ENTREP2: variants seen among roughly 807,000 people sequenced by gnomAD.
ENTREP2 encodes protein ENTREP2.
At chr15:29,409,592 T>A in the ENTREP2 span, among the ~76,000 whole-genome samples, 1 of 151,894 alleles carries the variant, frequency 6.6e-6, no homozygotes, top group African/African-American at 2.4e-5. Flanking sequence ...CACAAAGTGC[T>A]GGGATTACAG....
the ENTREP2 span, among the ~76,000 whole-genome samples, chr15:29,341,851 A>G: frequency 3.3e-5 from 5 of 152,310 alleles, no homozygotes; most frequent in South Asian, 8.3e-4. Flanking sequence ...GGACTACAGG[A>G]TATTGTCAGA....
the ENTREP2 span, among the ~76,000 whole-genome samples, chr15:29,565,835 C>T: frequency 2.0e-5 from 3 of 151,986 alleles, no homozygotes; most frequent in South Asian, 6.2e-4. Context: ...GTGGCGGGCG[C>T]CTGTAGTCCC....
At chr15:29,667,561 T>G in the ENTREP2 span, among the ~76,000 whole-genome samples, 76 of 146,038 alleles carry the variant, frequency 5.2e-4, no homozygotes, top group Middle Eastern at 0.015. Context: ...GCGTGTGGTC[T>G]CAGCTCACTG....
the ENTREP2 span, among the ~76,000 whole-genome samples, chr15:29,513,835 C>T: frequency 6.6e-6 from 1 of 152,232 alleles, no homozygotes; most frequent in Non-Finnish European, 1.5e-5. Flanking sequence ...AGATCTGGAG[C>T]ACATTCTTGT....
the ENTREP2 span, among the ~76,000 whole-genome samples, chr15:29,172,254 G>A: frequency 6.6e-6 from 1 of 152,196 alleles, no homozygotes; most frequent in Non-Finnish European, 1.5e-5. Flanking sequence ...CAGTTCCATC[G>A]TGATGTACTG....
At chr15:29,304,905 G>C in the ENTREP2 span, among the ~76,000 whole-genome samples, 1 of 152,096 alleles carries the variant, frequency 6.6e-6, no homozygotes, top group African/African-American at 2.4e-5. Context: ...CCCTCACTTG[G>C]CTCAAGAGTC....
chr15:29,402,292 T>TTATGTGTG, the ENTREP2 span, among the ~76,000 whole-genome samples: 1 of 131,700 alleles, frequency 7.6e-6, no homozygotes, highest in African/African-American at 2.7e-5. Context: ...GTATATTGTA[T>TTATGTGTG]TGTGTGTGTG....
chr15:29,189,823 C>A, the ENTREP2 span, among the ~76,000 whole-genome samples: 1 of 152,144 alleles, frequency 6.6e-6, no homozygotes, highest in Non-Finnish European at 1.5e-5. Context: ...CATCAATCTA[C>A]CTAAACATCT....
At chr15:29,546,726 A>T in the ENTREP2 span, among the ~76,000 whole-genome samples, 9 of 152,002 alleles carry the variant, frequency 5.9e-5, no homozygotes, top group South Asian at 1.9e-3. Context: ...CTCTACTAAA[A>T]ATACAAACAA....
At chr15:29,345,741 G>C in the ENTREP2 span, among the ~76,000 whole-genome samples, 10 of 151,692 alleles carry the variant, frequency 6.6e-5, no homozygotes, top group Admixed American at 2.0e-4. Flanking sequence ...TCTGCTTCTG[G>C]GCTAAAAACA....
At chr15:29,661,341 C>T in the ENTREP2 span, among the ~76,000 whole-genome samples, 1 of 152,130 alleles carries the variant, frequency 6.6e-6, no homozygotes, top group South Asian at 2.1e-4. Flanking sequence ...GCTGGGATTA[C>T]AGGTGCACAC....
the ENTREP2 span, among the ~76,000 whole-genome samples, chr15:29,142,154 C>T: frequency 1.5e-4 from 23 of 152,280 alleles, no homozygotes; most frequent in South Asian, 4.8e-3. Flanking sequence ...TGGCTGGCTT[C>T]CCCTGGCTGG....
At chr15:29,662,682 C>T in the ENTREP2 span, among the ~76,000 whole-genome samples, 10 of 152,108 alleles carry the variant, frequency 6.6e-5, no homozygotes, top group African/African-American at 1.9e-4. Flanking sequence ...ATCCATGCCA[C>T]GCACACGAGC....
chr15:29,558,086 T>C, the ENTREP2 span, among the ~76,000 whole-genome samples: 2 of 152,184 alleles, frequency 1.3e-5, no homozygotes, highest in East Asian at 1.9e-4. Flanking sequence ...TACAAACTTT[T>C]CTTCAACACC....
At chr15:29,175,725 C>T in the ENTREP2 span, among the ~76,000 whole-genome samples, 2 of 152,258 alleles carry the variant, frequency 1.3e-5, no homozygotes, top group African/African-American at 4.8e-5. Flanking sequence ...CTGCCTCAGC[C>T]TGCTGAGTAG....
At chr15:29,243,745 CA>C in the ENTREP2 span, among the ~76,000 whole-genome samples, 2 of 151,988 alleles carry the variant, frequency 1.3e-5, no homozygotes, top group African/African-American at 2.4e-5. Flanking sequence ...TTGGAAAAAA[CA>C]GATGAAATAT....
At chr15:29,438,160 A>G in the ENTREP2 span, among the ~76,000 whole-genome samples, 2 of 152,210 alleles carry the variant, frequency 1.3e-5, no homozygotes, top group African/African-American at 4.8e-5. Flanking sequence ...GTATCTTCAA[A>G]AAAGGAAAGA....
chr15:29,415,144 T>G, the ENTREP2 span, among the ~76,000 whole-genome samples: 1 of 152,130 alleles, frequency 6.6e-6, no homozygotes, highest in African/African-American at 2.4e-5. Flanking sequence ...CCCCCCTAAC[T>G]CATTTTATGA....
At chr15:29,439,334 A>AC in the ENTREP2 span, among the ~76,000 whole-genome samples, 29 of 99,824 alleles carry the variant, frequency 2.9e-4, 1 homozygote, top group Admixed American at 2.5e-3. Flanking sequence ...CACACACACA[A>AC]ACAGTAGAGG....
Sources: gnomAD v4.1 joint callset for allele counts (sites outside exome capture counted in the v4.1 genomes callset) on GRCh38, gnomAD v4.1.1 for gene constraint, MANE v1.5 for transcripts, NCBI Gene and HGNC (gene_info 2026-07-23, HGNC 2026-07-21) for gene names.